C16orf96: variants seen among roughly 807,000 people sequenced by gnomAD.
C16orf96 encodes uncharacterized protein C16orf96.
In C16orf96, 108 loss-of-function variants were observed where a neutral mutation model predicts 103.6. The observed-to-expected ratio is 1.04, with a 90% confidence interval of 0.89 to 1.22. The LOEUF (loss-of-function observed/expected upper bound fraction) is 1.22, where lower values mean the gene tolerates loss of function less well. C16orf96 is among the 50% of genes most tolerant of loss of function. The pLI is 0.00. For synonymous variants in C16orf96, 566 were observed against 593.5 expected (o/e 0.95, Z 0.67); for missense variants, 1,586 against 1,464.2 (o/e 1.08, Z -1.36).
intron 2 of C16orf96, among the ~76,000 whole-genome samples, chr16:4,573,032 G>A (rs184587864): frequency 6.6e-6 from 1 of 152,282 alleles, no homozygotes; most frequent in Non-Finnish European, 1.5e-5. Flanking sequence ...CATGGCAACT[G>A]TGGGAGCTTT....
chr16:4,592,444 G>A, intron 11 of C16orf96, 77 bp downstream of exon 11: 1 of 1,493,792 alleles, frequency 6.7e-7, no homozygotes, highest in Non-Finnish European at 9.1e-7. Context: ...GCACCTCCAT[G>A]TGCACCGTTC....
intron 1 of C16orf96, among the ~76,000 whole-genome samples, chr16:4,570,651 A>G (rs752542568): frequency 4.6e-5 from 7 of 151,916 alleles, no homozygotes; most frequent in Non-Finnish European, 8.8e-5. Flanking sequence ...TATTTTTAGT[A>G]GAAACAGGGT....
chr16:4,593,389 C>G lies in C16orf96; in HGVS notation c.2867+73C>G. ...ACTCTGGAGCCTGGGAACCCTGTTC[C>G]TGCAGAGACACATCCTCCAGGCCCA... On this transcript the variant is annotated intron_variant, in intron 12 of 15. Transcript: ENST00000444310. The surrounding 1 kb of genome is among the most constrained non-coding windows in gnomAD (Gnocchi z 4.2). 1 of 1,378,526 alleles carries G rather than the reference C, an allele frequency of 7.3e-7. No individual in the cohort carries two copies. The highest frequency in any genetic ancestry group is 1.0e-6 in the Non-Finnish European group (1 of 1,000,624). The allele number at this position is 1,378,526 out of a possible 1,614,324, so 85.4% of individuals were successfully genotyped here.
In C16orf96 at chr16:4,593,278, C is replaced by T. The variant is rs768481644; in HGVS notation, c.2829C>T (p.Ser943=). 3.2e-6 allele frequency: 5 copies of T among 1,550,878 alleles called. No individual in the cohort carries two copies. The highest frequency in any genetic ancestry group is 1.4e-5 in the African/African-American group (1 of 73,012). ...AHLLSRLRPA[S]ANSCEYLQRQ... The stretch of plus-strand genomic sequence containing the variant: ...TGCTGTCCCGGCTGCGGCCAGCCAG[C>T]GCCAACAGCTGCGAGTACTTGCAGC... The change falls in exon 12 of 16, where the codon AGC becomes AGT. Residue 943 remains serine, a synonymous_variant. Transcript: ENST00000444310. This position sits in a 1 kb window ranked among gnomAD's most constrained non-coding sequence, Gnocchi z 4.2.
chr16:4,547,586 C>A, the C16orf96 span, among the ~76,000 whole-genome samples: 7 of 151,782 alleles, frequency 4.6e-5, no homozygotes, highest in East Asian at 1.4e-3. Context: ...GTTTTCTCCT[C>A]TCCTCTCCTC....
chr16:4,545,813 G>A, the C16orf96 span, among the ~76,000 whole-genome samples: 1 of 152,158 alleles, frequency 6.6e-6, no homozygotes, highest in East Asian at 1.9e-4. Context: ...TGTTTTTACA[G>A]CTTTAATTAC....
intron 14 of C16orf96, among the ~76,000 whole-genome samples, chr16:4,597,113 C>G (rs747020008): frequency 3.3e-5 from 5 of 152,210 alleles, no homozygotes; most frequent in African/African-American, 1.2e-4. Flanking sequence ...CACCCTGTTT[C>G]CAGGCGGGCC....
chr16:4,542,663 T>G, the C16orf96 span, among the ~76,000 whole-genome samples: 2 of 151,970 alleles, frequency 1.3e-5, no homozygotes, highest in Non-Finnish European at 2.9e-5. Flanking sequence ...CTTGACATGG[T>G]GGCAGGCGCC....
intron 14 of C16orf96, among the ~76,000 whole-genome samples, chr16:4,596,922 C>T (rs901048907): frequency 2.6e-5 from 4 of 152,190 alleles, no homozygotes; most frequent in African/African-American, 9.7e-5. Flanking sequence ...AGCTTCTCTT[C>T]TGTGTGTCCT....
chr16:4,591,550 T>A, intron 9 of C16orf96, 116 bp from the exon 10 acceptor site: 2 of 774,852 alleles, frequency 2.6e-6, no homozygotes, highest in South Asian at 3.2e-5. Flanking sequence ...CTCACTATTT[T>A]AGTTGAATTT....
At position 4,579,020 on chromosome 16, in the gene C16orf96, C is replaced by T. The variant is rs371758416; in HGVS notation, c.2236C>T (p.Leu746Phe). The T allele has an allele frequency of 2.0e-4, 306 of 1,551,326 alleles. No homozygotes were observed. Among genetic ancestry groups the T allele is most frequent in the Non-Finnish European group, 2.6e-4 (298 of 1,146,874 alleles). Residue 746 changes from leucine to phenylalanine, a missense_variant, in exon 6 of 16, where the codon CTC (leucine) becomes TTC (phenylalanine). By Grantham distance (22) the Leu-to-Phe change is conservative. Coordinates refer to ENST00000444310, the MANE Select transcript of C16orf96 (RefSeq NM_001145011.2). ...KKIGSLQKSR[L>F]KEEELERIWG... The stretch of plus-strand genomic sequence containing the variant: ...GATTGGCAGCCTCCAGAAATCTAGG[C>T]TCAAGGTTAGTGTCTCCGGCGAAGG...
In C16orf96 at chr16:4,593,238, T is replaced by G; in HGVS notation, c.2789T>G (p.Ile930Ser). 6.4e-7 allele frequency: 1 copy of G among 1,551,048 alleles called. No individual in the cohort carries two copies. Among genetic ancestry groups the G allele is most frequent in the Non-Finnish European group, 8.7e-7 (1 of 1,146,826 alleles). ...EMMTGPQLIT[I>S]RKAHLLSRLR... is the part of the protein sequence containing the mutation. The stretch of plus-strand genomic sequence containing the variant: ...TCCTCCAACAGACAGCTGATCACCA[T>G]CCGCAAAGCCCACCTGCTGTCCCGG... Residue 930 changes from isoleucine to serine, a missense_variant, in exon 12 of 16, where the codon ATC becomes AGC. By Grantham distance (142) the Ile-to-Ser change is moderately radical. Coordinates refer to ENST00000444310, the MANE Select transcript of C16orf96 (RefSeq NM_001145011.2). This position sits in a 1 kb window ranked among gnomAD's most constrained non-coding sequence, Gnocchi z 4.2.
At chr16:4,542,015 G>A in the C16orf96 span, among the ~76,000 whole-genome samples, 1 of 152,200 alleles carries the variant, frequency 6.6e-6, no homozygotes. Context: ...TGACTACAGT[G>A]TGGAGAATGG....
At chr16:4,571,014 A>G (rs1395502463) in intron 1 of C16orf96, among the ~76,000 whole-genome samples, 1 of 151,992 alleles carries the variant, frequency 6.6e-6, no homozygotes, top group African/African-American at 2.4e-5. Context: ...ACCAAACAAA[A>G]ACAAAAACAA....
Position 4,584,068 on chromosome 16 carries a change from A to C in C16orf96, c.2353-2971A>C, listed in dbSNP as rs117296247. ...ATTTCAAGGAATAACAGTAAGTCTT[A>C]AGTCCGATAGCAATCCTCTAGATGA... is the stretch of plus-strand genomic sequence containing the variant. On this transcript the variant is annotated intron_variant, in intron 7 of 15. Transcript: ENST00000444310. Among the ~76,000 whole-genome samples the C allele has an allele frequency of 4.0e-4, 61 of 152,324 alleles. No homozygotes were observed. In the East Asian group the frequency reaches 0.012, roughly 29 times the overall value.
Position 4,575,710 on chromosome 16 carries a change from A to G in C16orf96, c.1230A>G (p.Leu410=). The G allele has an allele frequency of 2.0e-6, 3 of 1,533,966 alleles. No homozygotes were observed. Among genetic ancestry groups the G allele is most frequent in the Non-Finnish European group, 2.6e-6 (3 of 1,138,974 alleles). Reference sequence around the variant, plus strand: ...TGGGCTCTTGGCCTCTGTGGGACTTAGGTGTCCTGCGGCCAACTCAGCCCC... The same window carrying G: ...TGGGCTCTTGGCCTCTGTGGGACTTGGGTGTCCTGCGGCCAACTCAGCCCC... ...PRVGSWPLWD[L]GVLRPTQPQP... is the part of the protein sequence containing the mutation. Residue 410 remains leucine (L), a synonymous_variant, in exon 5 of 16, where the codon TTA becomes TTG. Coordinates refer to ENST00000444310, the MANE Select transcript of C16orf96 (RefSeq NM_001145011.2).
chr16:4,579,337 G>C lies in C16orf96; in HGVS notation c.2241+312G>C, dbSNP rs561194684. On this transcript the variant is annotated intron_variant, in intron 6 of 15. Coordinates refer to ENST00000444310, the MANE Select transcript of C16orf96 (RefSeq NM_001145011.2). ...CAAGGCTGAGGCAGGCAGATCACTTGAGCTCAGGAGTTCAAGACCAGCCTG... is the reference window on the plus strand; with the variant it reads ...CAAGGCTGAGGCAGGCAGATCACTTCAGCTCAGGAGTTCAAGACCAGCCTG... Among the ~76,000 whole-genome samples the C allele has an allele frequency of 5.9e-5, 9 of 152,136 alleles. No individual in the cohort carries two copies. In the South Asian group the frequency reaches 1.9e-3, roughly 32 times the overall value.
intron 7 of C16orf96, among the ~76,000 whole-genome samples, chr16:4,580,899 C>A (rs370602881): frequency 2.3e-4 from 35 of 150,846 alleles, no homozygotes; most frequent in African/African-American, 8.0e-4. Flanking sequence ...CTGAGGTGGG[C>A]GGATCATCTG....
intron 1 of C16orf96, chr16:4,563,187 T>C: frequency 1.5e-6 from 1 of 689,042 alleles, no homozygotes; most frequent in East Asian, 3.2e-5. Context: ...TCCTTTGCTT[T>C]AGGCATCGCT....
Sources: gnomAD v4.1 joint callset for allele counts (sites outside exome capture counted in the v4.1 genomes callset) on GRCh38, gnomAD v4.1.1 for gene constraint, Gnocchi (gnomAD v3.1) non-coding constraint, MANE v1.5 for transcripts, NCBI Gene and HGNC (gene_info 2026-07-23, HGNC 2026-07-21) for gene names.